Variants in SH3RF3 observed in about 807,000 individuals in gnomAD.
SH3RF3 encodes E3 ubiquitin-protein ligase SH3RF3.
Under a neutral mutation model 66.3 loss-of-function variants are expected in SH3RF3, and 29 were observed. That is an observed-to-expected ratio of 0.44 (90% CI 0.33 to 0.60). SH3RF3 has a LOEUF of 0.60. SH3RF3 is among the 20% of genes least tolerant of loss of function. The pLI, the probability that SH3RF3 is intolerant of heterozygous loss-of-function variation, is 0.04. For synonymous variants in SH3RF3, 583 were observed against 532.0 expected, an observed-to-expected ratio of 1.10 and a Z score of -1.32; for missense variants, 1,194 against 1,190.9, an observed-to-expected ratio of 1.00 and a Z score of -0.04.
At chr2:109,438,301 G>A (rs1378741486) in intron 7 of SH3RF3, among the ~76,000 whole-genome samples, 3 of 152,204 alleles carry the variant, frequency 2.0e-5, no homozygotes, top group Non-Finnish European at 4.4e-5. Flanking sequence ...GGGTGCAGGT[G>A]GACTTTGAGT....
At chr2:109,218,521 G>A (rs1036483109) in intron 1 of SH3RF3, among the ~76,000 whole-genome samples, 6 of 152,200 alleles carry the variant, frequency 3.9e-5, no homozygotes, top group Admixed American at 6.5e-5. Flanking sequence ...ATGGAAGGGT[G>A]TGTGGTACGG....
intron 3 of SH3RF3, among the ~76,000 whole-genome samples, chr2:109,393,401 A>C (rs1676054984): frequency 6.6e-6 from 1 of 152,218 alleles, no homozygotes; most frequent in African/African-American, 2.4e-5. Flanking sequence ...AGAAATGCAG[A>C]AACTTGGCAA....
rs139990139 is a variant in SH3RF3 at position 109,246,256 on chromosome 2, C to T, written c.574-101418C>T. Among the ~76,000 whole-genome samples the T allele has an allele frequency of 2.7e-3, 409 of 152,320 alleles. 2 individuals are homozygous for T. The highest frequency in any genetic ancestry group is 9.4e-3 in the African/African-American group (390 of 41,566). ...GCAATTTATTTCCCACAGTTCTAGA[C>T]GCTGGTCGTCCAAGATCAAGGCACT... On this transcript the variant is annotated intron_variant, in intron 1 of 9. Transcript: ENST00000309415.
intron 1 of SH3RF3, among the ~76,000 whole-genome samples, chr2:109,317,706 TCA>T: frequency 6.6e-6 from 1 of 152,200 alleles, no homozygotes; most frequent in South Asian, 2.1e-4. Context: ...CACCACGGAA[TCA>T]CAGTGAGGTC....
At chr2:109,331,350 T>C (rs1338518371) in intron 1 of SH3RF3, among the ~76,000 whole-genome samples, 1 of 152,144 alleles carries the variant, frequency 6.6e-6, no homozygotes, top group Non-Finnish European at 1.5e-5. Context: ...CCTGTTTTCC[T>C]GCCTCCCTCC....
chr2:109,422,275 G>A (rs963504582), intron 5 of SH3RF3, among the ~76,000 whole-genome samples: 1 of 152,176 alleles, frequency 6.6e-6, no homozygotes, highest in Non-Finnish European at 1.5e-5. Context: ...CCCAGATGGG[G>A]CTGATGTGAA....
intron 2 of SH3RF3, among the ~76,000 whole-genome samples, chr2:109,357,948 C>T (rs950170984): frequency 6.6e-6 from 1 of 152,146 alleles, no homozygotes; most frequent in Non-Finnish European, 1.5e-5. Context: ...CCTATAGTCA[C>T]TCTTGGTGCA....
chr2:109,426,697 C>T (rs958690058), intron 5 of SH3RF3, among the ~76,000 whole-genome samples: 1 of 152,126 alleles, frequency 6.6e-6, no homozygotes, highest in Non-Finnish European at 1.5e-5. Context: ...AAGAGGATTG[C>T]CTCCAATTTT....
At chr2:109,133,893 G>T (rs781376573) in intron 1 of SH3RF3, among the ~76,000 whole-genome samples, 12 of 152,174 alleles carry the variant, frequency 7.9e-5, no homozygotes, top group Admixed American at 2.0e-4. Context: ...GCCCAGCCTT[G>T]CCAGGCTGTA....
chr2:109,335,941 G>A (rs901042601), intron 1 of SH3RF3, among the ~76,000 whole-genome samples: 1 of 152,194 alleles, frequency 6.6e-6, no homozygotes, highest in Non-Finnish European at 1.5e-5. Context: ...ACACTTGGGG[G>A]CTGGGAGTGG....
intron 4 of SH3RF3, among the ~76,000 whole-genome samples, chr2:109,415,491 T>C (rs1037861654): frequency 2.0e-5 from 3 of 152,094 alleles, no homozygotes; most frequent in African/African-American, 7.2e-5. Context: ...CTATTCCTAC[T>C]AACAGCCCCC....
chr2:109,161,132 T>G (rs142222851), intron 1 of SH3RF3, among the ~76,000 whole-genome samples: 114 of 152,298 alleles, frequency 7.5e-4, no homozygotes, highest in Admixed American at 2.7e-3. Context: ...TGATGTATCC[T>G]TGTTACTAGG....
At chr2:109,161,532 T>G (rs751451154) in intron 1 of SH3RF3, among the ~76,000 whole-genome samples, 2 of 151,604 alleles carry the variant, frequency 1.3e-5, no homozygotes, top group African/African-American at 4.9e-5. Context: ...GGGGAACATG[T>G]CTTAGTCTAG....
chr2:109,249,513 C>CTTTCTTTCTTTCTTTCTT (rs1553491215), intron 1 of SH3RF3, among the ~76,000 whole-genome samples: 3 of 43,622 alleles, frequency 6.9e-5, no homozygotes, highest in African/African-American at 3.0e-4. Flanking sequence ...TTCTTTCATT[C>CTTTCTTTCTTTCTTTCTT]TTTCTTTTTC....
intron 1 of SH3RF3, among the ~76,000 whole-genome samples, chr2:109,291,624 T>C (rs1363696743): frequency 1.3e-5 from 2 of 152,178 alleles, no homozygotes; most frequent in East Asian, 1.9e-4. Flanking sequence ...GGTGGGGAAA[T>C]GTGTGGAGGA....
At chr2:109,221,492 G>T (rs911250663) in intron 1 of SH3RF3, among the ~76,000 whole-genome samples, 2 of 150,376 alleles carry the variant, frequency 1.3e-5, no homozygotes, top group Non-Finnish European at 1.5e-5. Context: ...CTGAGGCAGA[G>T]AATTGCTTGA....
chr2:109,384,228 A>G (rs1420788755), intron 3 of SH3RF3, among the ~76,000 whole-genome samples: 1 of 152,152 alleles, frequency 6.6e-6, no homozygotes, highest in African/African-American at 2.4e-5. Flanking sequence ...GCCTGAATGA[A>G]GCAGAGGAGA....
At chr2:109,496,299 A>G (rs1398174155) in intron 9 of SH3RF3, among the ~76,000 whole-genome samples, 2 of 151,966 alleles carry the variant, frequency 1.3e-5, no homozygotes, top group Non-Finnish European at 2.9e-5. Flanking sequence ...TGATTGGTGC[A>G]TTTTACAGAG....
intron 3 of SH3RF3, among the ~76,000 whole-genome samples, chr2:109,379,534 G>A (rs1455939202): frequency 6.6e-6 from 1 of 152,264 alleles, no homozygotes; most frequent in East Asian, 1.9e-4. Context: ...CAGAAGGGAT[G>A]TGAAAGTATG....
Sources: allele counts gnomAD v4.1 joint callset (sites outside exome capture counted in the v4.1 genomes callset), GRCh38; gene constraint gnomAD v4.1.1; transcripts MANE v1.5; gene names NCBI Gene and HGNC (gene_info 2026-07-23, HGNC 2026-07-21).